RUNX1: variants seen among roughly 807,000 people sequenced by gnomAD.
The protein encoded by RUNX1 is runt-related transcription factor 1.
Under a neutral mutation model 42.8 loss-of-function variants are expected in RUNX1, and 19 were observed. The observed-to-expected ratio is 0.44, with a 90% CI of 0.31 to 0.65. The LOEUF (loss-of-function observed/expected upper bound fraction) is 0.65. Among genes scored for constraint, RUNX1 ranks in the 30% least tolerant of loss-of-function variants. The probability of loss-of-function intolerance (pLI) is 0.07; values close to 1 mark genes in which losing one functional copy is unlikely to be tolerated. For synonymous variants in RUNX1, 271 were observed against 289.4 expected, an observed-to-expected ratio of 0.94 and a Z score of 0.64; for missense variants, 528 against 672.0, an observed-to-expected ratio of 0.79 and a Z score of 2.37.
At chr21:34,997,920 G>A (rs929752015) in intron 2 of RUNX1, among the ~76,000 whole-genome samples, 2 of 152,156 alleles carry the variant, frequency 1.3e-5, no homozygotes, top group Non-Finnish European at 2.9e-5. Context: ...TGGAAAGAAG[G>A]TTCTGCAAGA....
intron 2 of RUNX1, among the ~76,000 whole-genome samples, chr21:35,047,560 CA>C (rs2059408407): frequency 1.3e-5 from 1 of 78,580 alleles, no homozygotes; most frequent in South Asian, 4.9e-4. Flanking sequence ...CACACACACA[CA>C]CTCTCTCTCT....
chr21:34,996,361 AG>A (rs2058995786), intron 2 of RUNX1, among the ~76,000 whole-genome samples: 1 of 152,056 alleles, frequency 6.6e-6, no homozygotes, highest in East Asian at 1.9e-4. Flanking sequence ...GGACATTATA[AG>A]GGTGGGACTG....
intron 2 of RUNX1, among the ~76,000 whole-genome samples, chr21:35,000,430 C>T (rs753558222): frequency 2.0e-4 from 31 of 151,858 alleles, no homozygotes; most frequent in Admixed American, 5.2e-4. Context: ...TTAGTAAACA[C>T]GGGGTTTCAC....
At chr21:34,908,237 T>A (rs992784679) in intron 2 of RUNX1, among the ~76,000 whole-genome samples, 14 of 152,152 alleles carry the variant, frequency 9.2e-5, no homozygotes, top group African/African-American at 3.4e-4. Flanking sequence ...ATACAGAGAA[T>A]TCTTTGAAAT....
chr21:34,859,300 A>G (rs1479427183), intron 6 of RUNX1, 174 bp downstream of exon 6: 1 of 638,556 alleles, frequency 1.6e-6, no homozygotes, highest in East Asian at 2.7e-5. Context: ...GTGCACAGAA[A>G]CAAGCTTTGA....
In RUNX1 at chr21:34,888,848, C is replaced by CCCGCGCGCCCCCGCCGCCGCG. The variant is rs2058037465; in HGVS notation, c.98-1773_98-1753dup. On this transcript the variant is annotated intron_variant, in intron 3 of 8. Transcript: ENST00000675419. Reference sequence around the variant, plus strand: ...CGCCGCCGCCGGCTCCTGGAATTGGCCCGCGCGCCCCCGCCGCCGCGCCGC... The same window carrying CCCGCGCGCCCCCGCCGCCGCG: ...CGCCGCCGCCGGCTCCTGGAATTGGCCCGCGCGCCCCCGCCGCCGCGCCGCGCGCCCCCGCCGCCGCGCCGC... 2.0e-5 allele frequency among the ~76,000 whole-genome samples: 3 copies of CCCGCGCGCCCCCGCCGCCGCG among 151,676 alleles called. 1 individual carries two copies. The South Asian group carries it at 6.2e-4, about 31-fold the overall frequency.
chr21:34,836,554 A>G (rs1205848744), intron 6 of RUNX1, among the ~76,000 whole-genome samples: 3 of 152,214 alleles, frequency 2.0e-5, no homozygotes, highest in Non-Finnish European at 4.4e-5. Context: ...CAACCATTCA[A>G]AACATAATAA....
chr21:34,883,274 A>G (rs970929129), intron 4 of RUNX1, among the ~76,000 whole-genome samples: 1 of 152,196 alleles, frequency 6.6e-6, no homozygotes, highest in African/African-American at 2.4e-5. Context: ...AGAATCAACC[A>G]TATTTGGGCA....
chr21:34,997,654 G>A, intron 2 of RUNX1, among the ~76,000 whole-genome samples: 1 of 152,066 alleles, frequency 6.6e-6, no homozygotes, highest in Middle Eastern at 3.4e-3. Flanking sequence ...CCCCAGGCAG[G>A]AACGTCTTAC....
At chr21:35,015,269 A>C (rs1315390816) in intron 2 of RUNX1, among the ~76,000 whole-genome samples, 1 of 152,200 alleles carries the variant, frequency 6.6e-6, no homozygotes, top group East Asian at 1.9e-4. Context: ...ACTTGGTAAT[A>C]TATGGGAAGT....
intron 6 of RUNX1, among the ~76,000 whole-genome samples, chr21:34,838,607 C>T (rs2057184249): frequency 6.6e-6 from 1 of 152,198 alleles, no homozygotes; most frequent in Admixed American, 6.5e-5. Flanking sequence ...CAATTGGATA[C>T]TCACTACATG....
intron 2 of RUNX1, among the ~76,000 whole-genome samples, chr21:35,025,906 T>C (rs915839916): frequency 2.0e-5 from 3 of 152,192 alleles, no homozygotes; most frequent in African/African-American, 7.2e-5. Context: ...TTGCTCGTTA[T>C]GAACACAGGA....
At chr21:34,867,024 T>C (rs982576961) in intron 5 of RUNX1, among the ~76,000 whole-genome samples, 7 of 152,220 alleles carry the variant, frequency 4.6e-5, no homozygotes, top group Admixed American at 3.9e-4. Context: ...GGAGATGTTC[T>C]ATGAAAATGA....
intron 2 of RUNX1, among the ~76,000 whole-genome samples, chr21:34,933,625 C>T (rs1442975892): frequency 6.6e-6 from 1 of 152,122 alleles, no homozygotes; most frequent in Non-Finnish European, 1.5e-5. Flanking sequence ...TTTTCAAGAC[C>T]TATGTTCCTT....
intron 2 of RUNX1, among the ~76,000 whole-genome samples, chr21:35,036,245 C>A (rs571846715): frequency 6.6e-6 from 1 of 152,292 alleles, no homozygotes; most frequent in South Asian, 2.1e-4. Context: ...ATAAGAAAAG[C>A]AGGTTCCTTT....
chr21:34,840,725 T>C (rs1375772013), intron 6 of RUNX1, among the ~76,000 whole-genome samples: 2 of 152,176 alleles, frequency 1.3e-5, no homozygotes, highest in African/African-American at 2.4e-5. Context: ...GCCTGCTCTA[T>C]CTTTCTGTGT....
intron 2 of RUNX1, among the ~76,000 whole-genome samples, chr21:35,025,765 G>A (rs948935939): frequency 6.6e-6 from 1 of 152,146 alleles, no homozygotes; most frequent in Non-Finnish European, 1.5e-5. Context: ...TGTGCGGAGT[G>A]ATTGCTGTGA....
At chr21:34,874,614 A>AAAAAC in intron 5 of RUNX1, among the ~76,000 whole-genome samples, 1 of 142,416 alleles carries the variant, frequency 7.0e-6, no homozygotes, top group Non-Finnish European at 1.5e-5. Flanking sequence ...CTGTCTCAAA[A>AAAAAC]AAAAAAAAAA....
chr21:34,914,423 G>A (rs1171268777), intron 2 of RUNX1, among the ~76,000 whole-genome samples: 1 of 152,132 alleles, frequency 6.6e-6, no homozygotes, highest in Non-Finnish European at 1.5e-5. Flanking sequence ...TCTGTGATGA[G>A]GATGATATTG....
Sources: gnomAD v4.1 joint callset for allele counts (sites outside exome capture counted in the v4.1 genomes callset) on GRCh38, gnomAD v4.1.1 for gene constraint, MANE v1.5 for transcripts, NCBI Gene and HGNC (gene_info 2026-07-23, HGNC 2026-07-21) for gene names.